The following ZNF500 variants were observed in gnomAD, a reference collection of about 807,000 sequenced individuals.
ZNF500 encodes the protein zinc finger protein with KRAB and SCAN domains 18.
Under a neutral mutation model 30.1 loss-of-function variants are expected in ZNF500, and 31 were observed. That is an observed-to-expected ratio of 1.03 (90% confidence interval 0.77 to 1.39). The LOEUF is 1.39. Ranked by LOEUF, ZNF500 falls within the 40% of genes most tolerant of loss-of-function variation. The pLI, the probability that ZNF500 is intolerant of heterozygous loss-of-function variation, is 0.00. For missense variants in ZNF500, 817 were observed against 657.8 expected (o/e 1.24, Z -2.65); for synonymous variants, 392 against 282.0 (o/e 1.39, Z -3.91).
At chr16:4,760,718 T>A (rs1229824011) in intron 4 of ZNF500, 130 bp from the exon 5 acceptor site, 2 of 716,814 alleles carry the variant, frequency 2.8e-6, no homozygotes, top group African/African-American at 3.6e-5. Flanking sequence ...GTGCAGCTGG[T>A]CTTCTCCACT....
chr16:4,745,966 AAAAG>A (rs1447060766), downstream of ZNF500, among the ~76,000 whole-genome samples: 1 of 151,598 alleles, frequency 6.6e-6, no homozygotes, highest in Admixed American at 6.6e-5. Context: ...AAAAAAAAAA[AAAAG>A]AAAAAGAAAA....
chr16:4,761,181 A>AATT (rs1380285675), intron 4 of ZNF500, among the ~76,000 whole-genome samples: 1 of 152,082 alleles, frequency 6.6e-6, no homozygotes, highest in African/African-American at 2.4e-5. Flanking sequence ...TCACACCCGT[A>AATT]ATCCCAGCAC....
At chr16:4,747,548 A>C (rs372559816), downstream of ZNF500, 10 of 1,612,506 alleles carry the variant, frequency 6.2e-6, no homozygotes, top group African/African-American at 1.3e-4. Context: ...CCCAAGAGGC[A>C]GGCCCAGAGC....
At chr16:4,744,851 C>T (rs1387721456), downstream of ZNF500, 3 of 1,607,148 alleles carry the variant, frequency 1.9e-6, no homozygotes, top group Non-Finnish European at 2.6e-6. Flanking sequence ...TAATCAGCCT[C>T]TCCTTTGGCC....
downstream of ZNF500, chr16:4,747,024 C>T (rs765762133): frequency 3.3e-5 from 51 of 1,527,844 alleles, no homozygotes; most frequent in Middle Eastern, 9.2e-4. Context: ...CCTGGGGCTA[C>T]GGTAACCACC....
chr16:4,751,536 G>T lies in ZNF500; in HGVS notation c.*840C>A. ...TGCTGCAGAGCCCCGGGCTCCATTT[G>T]GAAACTCTGGCAGGATGAAGAAGCT... is the stretch of plus-strand genomic sequence containing the variant. On this transcript the variant is annotated 3_prime_UTR_variant, in exon 6 of 6. Coordinates refer to ENST00000219478, the MANE Select transcript of ZNF500 (RefSeq NM_021646.4). 1 of 1,525,094 alleles carries T rather than the reference G, an allele frequency of 6.6e-7. No homozygotes were observed. Among genetic ancestry groups the T allele is most frequent in the South Asian group, 1.2e-5 (1 of 83,248 alleles). The allele number at this position is 1,525,094 out of a possible 1,614,324, so 94.5% of individuals were successfully genotyped here.
intron 4 of ZNF500, among the ~76,000 whole-genome samples, chr16:4,761,782 G>C (rs754551615): frequency 6.6e-6 from 1 of 151,902 alleles, no homozygotes; most frequent in Non-Finnish European, 1.5e-5. Flanking sequence ...CCTTGAGCCT[G>C]GGAGGTCAAG....
At position 4,762,729 on chromosome 16, in the gene ZNF500, C is replaced by T. The variant is rs758737466; in HGVS notation, c.442G>A (p.Val148Met). 4 of 1,611,610 alleles carry T rather than the reference C, an allele frequency of 2.5e-6. No homozygotes were observed. The East Asian group carries it at 6.7e-5, about 27-fold the overall frequency. Residue 148 changes from valine to methionine, a missense_variant, in exon 3 of 6, where the codon GTG (valine) becomes ATG (methionine). Physicochemically the swap from Val to Met is conservative, Grantham distance 21. Transcript: ENST00000219478. ...RGSELLSDDE[V>M]PLGIGGQFLK... The stretch of plus-strand genomic sequence containing the variant: ...AACTGTCCCCCTATCCCGAGGGGCA[C>T]CTCGTCATCAGAAAGCAGCTCTGAG...
chr16:4,752,381 C>T lies in ZNF500; in HGVS notation c.1438G>A (p.Ala480Thr). 4 of 1,497,730 alleles carry T rather than the reference C, an allele frequency of 2.7e-6. No homozygotes were observed. Among genetic ancestry groups the T allele is most frequent in the Non-Finnish European group, 3.6e-6 (4 of 1,126,484 alleles). The allele number at this position is 1,497,730 out of a possible 1,614,324, so 92.8% of individuals were successfully genotyped here. Residue 480 changes from alanine (A) to threonine (T), a missense_variant, in exon 6 of 6, where the codon GCC (alanine) becomes ACC (threonine). Physicochemically the swap from Ala to Thr is moderately conservative, Grantham distance 58. Coordinates refer to ENST00000219478, the MANE Select transcript of ZNF500 (RefSeq NM_021646.4). ...PVAPGGPGAK[A>T] ...GGGAGTTTCAGGCCTGGTGATCAGG[C>T]TTTGGCACCGGGGCCTCCAGGAGCC... is the stretch of plus-strand genomic sequence containing the variant.
At chr16:4,756,048 G>A (rs2082131389) in intron 5 of ZNF500, among the ~76,000 whole-genome samples, 3 of 152,126 alleles carry the variant, frequency 2.0e-5, no homozygotes, top group Admixed American at 2.0e-4. Flanking sequence ...GCTAGGGGAG[G>A]GGAAATGGGG....
downstream of ZNF500, among the ~76,000 whole-genome samples, chr16:4,744,621 T>C (rs113995192): frequency 4.0e-3 from 425 of 106,700 alleles, 3 homozygotes; most frequent in African/African-American, 0.012. Context: ...AACTTAAAAA[T>C]ACGTCACTCC....
At chr16:4,747,144 G>T, downstream of ZNF500, 2 of 1,224,818 alleles carry the variant, frequency 1.6e-6, no homozygotes, top group Non-Finnish European at 2.3e-6. Flanking sequence ...ACCGCACAGG[G>T]TGAGGGGGAC....
chr16:4,762,430 C>A, intron 3 of ZNF500, 95 bp from the exon 4 acceptor site: 1 of 1,520,720 alleles, frequency 6.6e-7, no homozygotes, highest in Non-Finnish European at 8.9e-7. Context: ...CCGGCGGCTG[C>A]CCACCCAAGA....
rs143969981 is a variant in ZNF500 at position 4,752,982 on chromosome 16, G to C, written c.837C>G (p.Leu279=). The C allele has an allele frequency of 3.9e-4, 620 of 1,603,626 alleles. 2 individuals are homozygous for C. The highest frequency in any genetic ancestry group is 3.5e-3 in the Middle Eastern group (21 of 6,034). Residue 279 remains leucine, a synonymous_variant, in exon 6 of 6, where the codon CTC becomes CTG. Transcript: ENST00000219478. ...APLRMEWYRV[L]SARCQGPGHP... ...GGCCAGGCCCCTGGCATCGTGCCGA[G>C]AGCACTCGGTACCACTCCATTCTCA...
intron 2 of ZNF500, chr16:4,763,702 T>C: frequency 1.0e-6 from 1 of 983,696 alleles, no homozygotes; most frequent in Non-Finnish European, 1.2e-6. Context: ...GTCGGTGCAG[T>C]GACAGAAGGA....
downstream of ZNF500, chr16:4,745,149 C>T (rs1206500976): frequency 6.9e-6 from 8 of 1,157,972 alleles, no homozygotes; most frequent in African/African-American, 3.1e-5. Context: ...ATCAGGCAGT[C>T]GCTCCAGTCA....
In ZNF500 at chr16:4,752,598, C is replaced by T. The variant is rs754456784; in HGVS notation, c.1221G>A (p.Arg407=). 1 of 1,593,908 alleles carries T rather than the reference C, an allele frequency of 6.3e-7. No individual in the cohort carries two copies. The highest frequency in any genetic ancestry group is 1.8e-5 in the Admixed American group (1 of 56,396). ...VIHRRTHSGE[R]PYACTQCGKR... ...TCCCGCACTGGGTGCAGGCATAGGG[C>T]CGCTCCCCGCTGTGTGTCCTGCGGT... is the stretch of plus-strand genomic sequence containing the variant. The change falls in exon 6 of 6, where the codon CGG becomes CGA. Residue 407 remains arginine, a synonymous_variant. Coordinates refer to ENST00000219478, the MANE Select transcript of ZNF500 (RefSeq NM_021646.4).
At chr16:4,765,304 AAAC>A (rs1187468295) in intron 2 of ZNF500, among the ~76,000 whole-genome samples, 1 of 152,162 alleles carries the variant, frequency 6.6e-6, no homozygotes, top group Non-Finnish European at 1.5e-5. Flanking sequence ...TCAAAAAAAA[AAAC>A]ATGTTTGGCC....
downstream of ZNF500, chr16:4,746,976 G>A: frequency 6.4e-7 from 1 of 1,551,274 alleles, no homozygotes; most frequent in Admixed American, 2.2e-5. Flanking sequence ...GGAAGAGATG[G>A]CAGCTCTGGG....
Sources: allele counts gnomAD v4.1 joint callset (sites outside exome capture counted in the v4.1 genomes callset), GRCh38; gene constraint gnomAD v4.1.1; transcripts MANE v1.5; gene names NCBI Gene and HGNC (gene_info 2026-07-23, HGNC 2026-07-21).